ANXA8: variants seen among roughly 807,000 people sequenced by gnomAD.
ANXA8 encodes the protein annexin A8.
A neutral mutation model predicts 26.8 loss-of-function variants in ANXA8; 9 were observed. The ratio of observed to expected loss-of-function variants is 0.34; its 90% CI spans 0.20 to 0.59. ANXA8 has a LOEUF of 0.59. Among genes scored for constraint, ANXA8 ranks in the 20% least tolerant of loss-of-function variants. The probability of loss-of-function intolerance (pLI) is 0.84; values close to 1 mark genes in which losing one functional copy is unlikely to be tolerated. For missense variants in ANXA8, 83 were observed against 238.5 expected (o/e 0.35, Z 4.29); for synonymous variants, 39 against 94.8 (o/e 0.41, Z 3.42).
upstream of ANXA8, among the ~76,000 whole-genome samples, chr10:47,485,642 A>T (rs1364901829): frequency 6.6e-6 from 1 of 152,014 alleles, no homozygotes; most frequent in Non-Finnish European, 1.5e-5. Flanking sequence ...TAGGGGATGC[A>T]ATATTTTTAC....
chr10:47,486,519 C>A (rs1450255716), upstream of ANXA8, among the ~76,000 whole-genome samples: 7 of 137,242 alleles, frequency 5.1e-5, no homozygotes, highest in African/African-American at 1.1e-4. Flanking sequence ...TCATGAGGAC[C>A]TATCCAACCA....
chr10:47,581,737 G>C, the ANXA8 span, among the ~76,000 whole-genome samples: 1 of 150,432 alleles, frequency 6.6e-6, no homozygotes, highest in African/African-American at 2.5e-5. Context: ...CTCCCGAGTA[G>C]CTGGAACTAC....
At chr10:47,901,743 A>G in the ANXA8 span, among the ~76,000 whole-genome samples, 1 of 136,990 alleles carries the variant, frequency 7.3e-6, no homozygotes, top group Non-Finnish European at 1.6e-5. Flanking sequence ...ACCACATAAG[A>G]GTCTTTCTCA....
chr10:47,482,170 A>G (rs1396939395), intron 1 of ANXA8, among the ~76,000 whole-genome samples: 4 of 135,020 alleles, frequency 3.0e-5, no homozygotes, highest in African/African-American at 1.2e-4. Flanking sequence ...GGTCTTCGCT[A>G]GCAGCTCAGC....
At chr10:47,943,831 G>GC in the ANXA8 span, among the ~76,000 whole-genome samples, 1 of 148,132 alleles carries the variant, frequency 6.8e-6, no homozygotes, top group African/African-American at 2.6e-5. Flanking sequence ...CATCATCCTT[G>GC]CTCAGTTCTC....
the ANXA8 span, among the ~76,000 whole-genome samples, chr10:47,980,837 C>T: frequency 1.3e-5 from 2 of 150,720 alleles, no homozygotes; most frequent in Non-Finnish European, 3.0e-5. Flanking sequence ...AAGAAACTCA[C>T]CATGCACAAA....
the ANXA8 span, among the ~76,000 whole-genome samples, chr10:47,685,327 C>T: frequency 4.5e-5 from 5 of 111,496 alleles, no homozygotes; most frequent in African/African-American, 1.8e-4. Context: ...GCCTGGGTGA[C>T]AAAAGCGAGA....
the ANXA8 span, among the ~76,000 whole-genome samples, chr10:47,680,076 A>G: frequency 6.6e-6 from 1 of 151,438 alleles, no homozygotes; most frequent in Non-Finnish European, 1.5e-5. Context: ...CCTGGATTCA[A>G]GATGATTCTT....
chr10:47,761,132 G>C, the ANXA8 span, among the ~76,000 whole-genome samples: 3 of 146,112 alleles, frequency 2.1e-5, no homozygotes, highest in African/African-American at 7.6e-5. Context: ...ACACACAGCA[G>C]TGGGATTTGG....
the ANXA8 span, among the ~76,000 whole-genome samples, chr10:47,651,215 A>G: frequency 1.3e-5 from 2 of 150,714 alleles, no homozygotes; most frequent in Non-Finnish European, 3.0e-5. Flanking sequence ...TAATAATGAT[A>G]ATAATAATAA....
At chr10:47,571,782 C>T in the ANXA8 span, among the ~76,000 whole-genome samples, 2 of 145,972 alleles carry the variant, frequency 1.4e-5, no homozygotes, top group Admixed American at 6.8e-5. Context: ...GAACCATAGG[C>T]GTGCGCAACT....
the ANXA8 span, among the ~76,000 whole-genome samples, chr10:47,579,095 G>A: frequency 6.8e-5 from 10 of 146,630 alleles, no homozygotes; most frequent in South Asian, 2.3e-4. Flanking sequence ...CACCCGCCTC[G>A]GCCTCCCAAA....
At chr10:47,700,542 GCAA>G in the ANXA8 span, among the ~76,000 whole-genome samples, 1 of 151,566 alleles carries the variant, frequency 6.6e-6, no homozygotes, top group Non-Finnish European at 1.5e-5. Context: ...ATAAAATCAT[GCAA>G]CAACAAGAAG....
At chr10:47,469,907 C>T (rs1207693980) in intron 11 of ANXA8, among the ~76,000 whole-genome samples, 2 of 151,492 alleles carry the variant, frequency 1.3e-5, no homozygotes, top group African/African-American at 2.4e-5. Flanking sequence ...TAGACACGAT[C>T]TCACTCTGTC....
At chr10:47,701,854 G>C in the ANXA8 span, among the ~76,000 whole-genome samples, 1 of 151,762 alleles carries the variant, frequency 6.6e-6, no homozygotes, top group East Asian at 1.9e-4. Context: ...TGTTACAAAT[G>C]AATAAAATAA....
chr10:47,488,713 ATTTTTTTTTTTTTTT>A (rs1160121365), upstream of ANXA8, among the ~76,000 whole-genome samples: 2 of 62,106 alleles, frequency 3.2e-5, no homozygotes, highest in African/African-American at 7.1e-5. Flanking sequence ...TACATGTTAA[ATTTTTTTTTTTTTTT>A]TTTTTTTTTT....
the ANXA8 span, among the ~76,000 whole-genome samples, chr10:47,679,725 C>T: frequency 6.6e-6 from 1 of 151,746 alleles, no homozygotes; most frequent in Non-Finnish European, 1.5e-5. Context: ...TGGAGACAAG[C>T]CTGGGCAACA....
At chr10:47,733,437 T>C in the ANXA8 span, among the ~76,000 whole-genome samples, 1 of 129,172 alleles carries the variant, frequency 7.7e-6, no homozygotes, top group African/African-American at 3.1e-5. Flanking sequence ...ATTTACATCG[T>C]CCCTAGAATT....
At chr10:47,599,094 A>G in the ANXA8 span, among the ~76,000 whole-genome samples, 1 of 147,444 alleles carries the variant, frequency 6.8e-6, no homozygotes, top group African/African-American at 2.6e-5. Context: ...TTATATACAT[A>G]ATAATATATA....
Sources: allele counts gnomAD v4.1 joint callset (sites outside exome capture counted in the v4.1 genomes callset), GRCh38; gene constraint gnomAD v4.1.1; transcripts MANE v1.5; gene names NCBI Gene and HGNC (gene_info 2026-07-23, HGNC 2026-07-21).